The following ATP8A1 variants were observed in gnomAD, a reference collection of about 807,000 sequenced individuals.
ATP8A1 encodes ATPase phospholipid transporting 8A1, also known as phospholipid-transporting ATPase IA.
In ATP8A1, 90 loss-of-function variants were observed where a neutral mutation model predicts 177.7. The observed-to-expected ratio is 0.51, with a 90% CI of 0.43 to 0.60. The LOEUF (loss-of-function observed/expected upper bound fraction) is 0.60, where lower values mean the gene tolerates loss of function less well. ATP8A1 is among the 20% of genes least tolerant of loss of function. ATP8A1 has a pLI of 0.00. For synonymous variants in ATP8A1, 493 were observed against 485.9 expected (o/e 1.01, Z -0.19); for missense variants, 1,072 against 1,392.8 (o/e 0.77, Z 3.67).
intron 30 of ATP8A1, among the ~76,000 whole-genome samples, chr4:42,448,117 A>G (rs183977352): frequency 1.6e-4 from 25 of 152,316 alleles, no homozygotes; most frequent in Non-Finnish European, 3.5e-4. Flanking sequence ...AACACATGGT[A>G]ATATAAATGA....
intron 2 of ATP8A1, 50 bp from the exon 3 acceptor site, chr4:42,625,763 C>T (rs757401390): frequency 1.7e-4 from 190 of 1,134,460 alleles, no homozygotes; most frequent in Non-Finnish European, 5.5e-5. Flanking sequence ...TAATTAGCAC[C>T]CACACTTACA....
At chr4:42,475,599 C>T (rs1720975256) in intron 25 of ATP8A1, among the ~76,000 whole-genome samples, 1 of 151,228 alleles carries the variant, frequency 6.6e-6, no homozygotes, top group South Asian at 2.1e-4. Context: ...ATATATTTCA[C>T]CTGAAATATT....
intron 35 of ATP8A1, among the ~76,000 whole-genome samples, chr4:42,416,395 A>G (rs1025887433): frequency 2.0e-5 from 3 of 152,168 alleles, no homozygotes; most frequent in Non-Finnish European, 4.4e-5. Context: ...CTAAATGCAT[A>G]ATACTTTAAT....
At chr4:42,604,380 T>A (rs1577684961) in intron 5 of ATP8A1, among the ~76,000 whole-genome samples, 1 of 152,144 alleles carries the variant, frequency 6.6e-6, no homozygotes, top group East Asian at 1.9e-4. Flanking sequence ...AGAGAAACCT[T>A]CCCTATTATA....
intron 20 of ATP8A1, among the ~76,000 whole-genome samples, chr4:42,533,199 G>A (rs28875618): frequency 2.3e-3 from 321 of 139,218 alleles, no homozygotes; most frequent in African/African-American, 0.01. Context: ...TGGGACAGCT[G>A]AGGGACTGTG....
intron 30 of ATP8A1, among the ~76,000 whole-genome samples, chr4:42,448,396 C>CTTTACTTTTTTTTTTTTTT (rs778022629): frequency 0.011 from 932 of 83,908 alleles, 213 homozygotes; most frequent in South Asian, 0.017. Context: ...CCTTCTCTTT[C>CTTTACTTTTTTTTTTTTTT]TTTTCTTTTT....
intron 5 of ATP8A1, among the ~76,000 whole-genome samples, chr4:42,609,570 G>A (rs1736166853): frequency 6.6e-6 from 1 of 152,152 alleles, no homozygotes; most frequent in African/African-American, 2.4e-5. Flanking sequence ...CTACTCTCTA[G>A]TTAAGAAAAA....
chr4:42,639,203 TG>T (rs1299941995), intron 1 of ATP8A1, among the ~76,000 whole-genome samples: 7 of 152,028 alleles, frequency 4.6e-5, no homozygotes, highest in African/African-American at 2.4e-5. Context: ...AGGAAGTACT[TG>T]AACAAGCACA....
rs1736844819 is a variant in ATP8A1, at chr4:42,615,788, G to C, written c.409+245C>G. Among the ~76,000 whole-genome samples, 3 of 152,160 alleles carry C rather than the reference G, an allele frequency of 2.0e-5. No homozygotes were observed. The South Asian group carries it at 6.2e-4, about 31-fold the overall frequency. On this transcript the variant is annotated intron_variant, in intron 5 of 36. Coordinates refer to ENST00000381668, the MANE Select transcript of ATP8A1 (RefSeq NM_006095.2). The stretch of plus-strand genomic sequence containing the variant: ...CAGACTTTATGGACTGTATTTGAGA[G>C]ACTATTGCTATGAAGCACTTAAATA...
chr4:42,570,411 A>T (rs1480992201), intron 14 of ATP8A1, among the ~76,000 whole-genome samples: 1 of 152,244 alleles, frequency 6.6e-6, no homozygotes, highest in African/African-American at 2.4e-5. Flanking sequence ...ACTTCAGATC[A>T]GCCTCAAGGC....
intron 13 of ATP8A1, among the ~76,000 whole-genome samples, 190 bp from the exon 14 acceptor site, chr4:42,574,897 A>G (rs1251994955): frequency 1.3e-5 from 2 of 152,230 alleles, no homozygotes; most frequent in Non-Finnish European, 2.9e-5. Flanking sequence ...ATCTTTTCAC[A>G]TATGAATATT....
At chr4:42,617,777 C>T (rs527280937) in intron 4 of ATP8A1, among the ~76,000 whole-genome samples, 14 of 152,178 alleles carry the variant, frequency 9.2e-5, no homozygotes, top group Non-Finnish European at 1.8e-4. Context: ...TTTCCATCTA[C>T]AGCGAACTCT....
chr4:42,414,693 T>C lies in ATP8A1; in HGVS notation c.3331A>G (p.Lys1111Glu). ...KSLTERAQLL[K>E]NVFKKNHVNL... ...ACGTGGTTCTTCTTAAAGACGTTCT[T>C]GAGCAGTTGCGCCCTCTCGGTCAGG... Residue 1111 changes from lysine (K) to glutamate (E), a missense_variant, in exon 36 of 37, where the codon AAG (lysine) becomes GAG (glutamate). Physicochemically the swap from Lys to Glu is moderately conservative, Grantham distance 56. Transcript: ENST00000381668. The C allele has an allele frequency of 6.2e-7, 1 of 1,613,910 alleles. No individual in the cohort carries two copies. Among genetic ancestry groups the C allele is most frequent in the Admixed American group, 1.7e-5 (1 of 60,016 alleles).
At chr4:42,587,897 C>T (rs527338420) in intron 8 of ATP8A1, among the ~76,000 whole-genome samples, 1 of 152,150 alleles carries the variant, frequency 6.6e-6, no homozygotes, top group African/African-American at 2.4e-5. Context: ...CGTGAGCCAC[C>T]GCGCCCGGCC....
At chr4:42,521,355 T>C (rs751664825) in intron 22 of ATP8A1, among the ~76,000 whole-genome samples, 1 of 152,186 alleles carries the variant, frequency 6.6e-6, no homozygotes, top group African/African-American at 2.4e-5. Context: ...TTACCTTGGA[T>C]TCTTCATCTA....
At chr4:42,458,987 T>A (rs17630526) in intron 27 of ATP8A1, among the ~76,000 whole-genome samples, 1 of 152,174 alleles carries the variant, frequency 6.6e-6, no homozygotes, top group Non-Finnish European at 1.5e-5. Flanking sequence ...TGTCTATTCA[T>A]TCACAGTATT....
At chr4:42,550,336 A>G (rs1266073471) in intron 18 of ATP8A1, among the ~76,000 whole-genome samples, 1 of 151,420 alleles carries the variant, frequency 6.6e-6, no homozygotes, top group Non-Finnish European at 1.5e-5. Context: ...CAATTTGTTT[A>G]TCCATTCTTC....
chr4:42,483,523 C>G (rs769650926), intron 25 of ATP8A1, among the ~76,000 whole-genome samples: 1 of 152,098 alleles, frequency 6.6e-6, no homozygotes, highest in African/African-American at 2.4e-5. Context: ...CTGAGCCGCA[C>G]GTGCACGGCA....
chr4:42,612,736 A>G (rs73237914), intron 5 of ATP8A1, among the ~76,000 whole-genome samples: 34,152 of 151,912 alleles, frequency 0.22, 4,324 homozygotes, highest in Non-Finnish European at 0.29. Context: ...TGATTGAGTT[A>G]ACTTATCAGT....
Sources: allele counts gnomAD v4.1 joint callset (sites outside exome capture counted in the v4.1 genomes callset), GRCh38; gene constraint gnomAD v4.1.1; transcripts MANE v1.5; gene names NCBI Gene and HGNC (gene_info 2026-07-23, HGNC 2026-07-21).